Variants in CARD14 observed in about 807,000 individuals in gnomAD.
CARD14 encodes caspase recruitment domain-containing protein 14.
In CARD14, 107 loss-of-function variants were observed where a neutral mutation model predicts 111.5. The ratio of observed to expected loss-of-function variants is 0.96; its 90% CI spans 0.82 to 1.13. The LOEUF (loss-of-function observed/expected upper bound fraction) is 1.13, where lower values mean the gene tolerates loss of function less well. Among genes scored for constraint, CARD14 ranks in the 50% most tolerant of loss-of-function variants. The pLI is 0.00. For missense variants in CARD14, 1,322 were observed against 1,362.3 expected (o/e 0.97, Z 0.47); for synonymous variants, 617 against 579.6 (o/e 1.06, Z -0.93).
chr17:80,191,029 C>A, intron 10 of CARD14, 130 bp downstream of exon 10: 2 of 1,281,376 alleles, frequency 1.6e-6, no homozygotes, highest in Non-Finnish European at 2.1e-6. Context: ...TCTCTTTCCT[C>A]GGTCCACACG....
chr17:80,205,449 G>C, intron 21 of CARD14, 82 bp from the exon 22 acceptor site: 5 of 1,526,068 alleles, frequency 3.3e-6, no homozygotes, highest in Non-Finnish European at 4.4e-6. Context: ...CAGGGTTCAC[G>C]GGGACAGGGG....
chr17:80,205,256 CTCCTCCCCTTCCTCCCTCCT>C (rs749196689), intron 21 of CARD14, 51 bp downstream of exon 21: 39 of 1,488,866 alleles, frequency 2.6e-5, no homozygotes, highest in South Asian at 3.7e-5. Context: ...CCCTCCCTCC[CTCCTCCCCTTCCTCCCTCCT>C]TCCTCCCCTT....
At chr17:80,194,275 C>T (rs548642228) in intron 12 of CARD14, among the ~76,000 whole-genome samples, 100 of 152,318 alleles carry the variant, frequency 6.6e-4, no homozygotes, top group Non-Finnish European at 9.8e-4. Context: ...CACTGGTCCA[C>T]GGGTGCCCGT....
intron 4 of CARD14, among the ~76,000 whole-genome samples, chr17:80,179,918 C>T (rs566700249): frequency 2.6e-5 from 4 of 152,278 alleles, no homozygotes; most frequent in African/African-American, 7.2e-5. Context: ...GCGCCATCTG[C>T]CTCGCATTTC....
intron 23 of CARD14, 23 bp from the exon 24 acceptor site, chr17:80,208,115 C>A (rs577995991): frequency 1.3e-6 from 2 of 1,493,522 alleles, no homozygotes; most frequent in African/African-American, 1.4e-5. Context: ...TGAGCCCGCC[C>A]CCCCCAACTC....
At position 80,182,020 on chromosome 17, in the gene CARD14, G is replaced by A. The variant is rs2040191402; in HGVS notation, c.211+371G>A. ...TATACGGTTGTTAGGAGAAGCAAAT[G>A]AGTTACTGTTTATAAAACACTCACT... On this transcript the variant is annotated intron_variant, in intron 5 of 23. Transcript: ENST00000648509. The surrounding 1 kb of genome is among the most constrained non-coding windows in gnomAD (Gnocchi z 4.7). 6.6e-6 allele frequency among the ~76,000 whole-genome samples: 1 copy of A among 152,140 alleles called. No homozygotes were observed. The highest frequency in any genetic ancestry group is 1.5e-5 in the Non-Finnish European group (1 of 68,038).
chr17:80,177,674 G>C (rs917251211), intron 2 of CARD14, among the ~76,000 whole-genome samples: 1 of 152,128 alleles, frequency 6.6e-6, no homozygotes, highest in Non-Finnish European at 1.5e-5. Flanking sequence ...CAGCCTGGGA[G>C]ACGAGCAAGA....
In CARD14 at chr17:80,208,553, A is replaced by G. The variant is rs2041482350; in HGVS notation, c.*208A>G. The G allele has an allele frequency of 3.9e-6, 2 of 511,988 alleles. No homozygotes were observed. Among genetic ancestry groups the G allele is most frequent in the Non-Finnish European group, 6.9e-6 (2 of 291,416 alleles). 31.7% of individuals were successfully genotyped at this position (511,988 alleles called of 1,614,324 possible). A position where few individuals can be genotyped will look rare whatever the true frequency, so the allele number is the denominator to read the frequency against. On this transcript the variant is annotated 3_prime_UTR_variant, in exon 24 of 24. Transcript: ENST00000648509. ...TTGTAACTGCACACTTTTCTGTGGA[A>G]ACATCTTCACCCTTTACCAGGCTTG...
chr17:80,176,136 A>G (rs7219302), intron 2 of CARD14, among the ~76,000 whole-genome samples: 145,722 of 145,928 alleles, frequency 1, 72,759 homozygotes, highest in Middle Eastern at 1. Flanking sequence ...ACTTTGTTGA[A>G]ATATAACTCA....
chr17:80,195,695 C>G lies in CARD14; in HGVS notation c.1594+43C>G. The G allele has an allele frequency of 6.5e-7, 1 of 1,532,232 alleles. No homozygotes were observed. Among genetic ancestry groups the G allele is most frequent in the Non-Finnish European group, 8.9e-7 (1 of 1,117,738 alleles). 94.9% of individuals were successfully genotyped at this position (1,532,232 alleles called of 1,614,324 possible). A position where few individuals can be genotyped will look rare whatever the true frequency, so the allele number is the denominator to read the frequency against. ...TGAACCTCCACAGCAGTCCACCTCC[C>G]CTGGGCAGAGCAGGGAGCTGATGAG... On this transcript the variant is annotated intron_variant, in intron 14 of 23. Coordinates refer to ENST00000648509, the MANE Select transcript of CARD14 (RefSeq NM_001366385.1). This position sits in a 1 kb window ranked among gnomAD's most constrained non-coding sequence, Gnocchi z 4.7.
rs1314707488 is a variant in CARD14 at position 80,184,219 on chromosome 17, G to A, written c.656G>A (p.Cys219Tyr). Residue 219 changes from cysteine to tyrosine, a missense_variant, in exon 7 of 24, where the codon TGC becomes TAC. By Grantham distance (194) the Cys-to-Tyr change is radical. Coordinates refer to ENST00000648509, the MANE Select transcript of CARD14 (RefSeq NM_001366385.1). Reference sequence around the variant, plus strand: ...GAGAAGGAGCTGGCCGCCTCACGCTGCCGCAGCCTGCAGGAGGAGGTAGGG... The same window carrying A: ...GAGAAGGAGCTGGCCGCCTCACGCTACCGCAGCCTGCAGGAGGAGGTAGGG... Reference protein sequence around the residue: ...LQEKELAASRCRSLQEELYLL... With the variant: ...LQEKELAASRYRSLQEELYLL... The A allele has an allele frequency of 1.3e-6, 2 of 1,535,996 alleles. No individual in the cohort carries two copies. The highest frequency in any genetic ancestry group is 4.8e-5 in the East Asian group (2 of 41,264).
Position 80,181,503 on chromosome 17 carries a change from T to C in CARD14, c.65T>C (p.Met22Thr). Reference protein sequence around the residue: ...TALDEETLWEMMESHRHRIVR... With the variant: ...TALDEETLWETMESHRHRIVR... ...CTGGACGAGGAGACACTGTGGGAGA[T>C]GATGGAGAGCCACCGCCACAGGATC... The change falls in exon 5 of 24, where the codon ATG (methionine) becomes ACG (threonine). Residue 22 changes from methionine to threonine, a missense_variant. Met to Thr is a moderately conservative substitution (Grantham distance 81). Coordinates refer to ENST00000648509, the MANE Select transcript of CARD14 (RefSeq NM_001366385.1). The C allele has an allele frequency of 6.3e-7, 1 of 1,588,238 alleles. No homozygotes were observed. Among genetic ancestry groups the C allele is most frequent in the Non-Finnish European group, 8.6e-7 (1 of 1,166,506 alleles).
rs556156789 is a variant in CARD14, at chr17:80,190,028, G to A, written c.963+156G>A. On this transcript the variant is annotated intron_variant, in intron 9 of 23. Coordinates refer to ENST00000648509, the MANE Select transcript of CARD14 (RefSeq NM_001366385.1). ...CCTGTTCATCTGTCCCTTTGTCAGC[G>A]CCACCCTAAGCACCGACTCGCACCC... Among the ~76,000 whole-genome samples the A allele has an allele frequency of 9.2e-5, 14 of 152,092 alleles. No homozygotes were observed. In the South Asian group the frequency reaches 1.5e-3, roughly 16 times the overall value.
chr17:80,202,821 AGGTTGCCAAG>A (rs987038567), intron 18 of CARD14: 27 of 223,298 alleles, frequency 1.2e-4, no homozygotes, highest in Non-Finnish European at 2.0e-4. Flanking sequence ...ATGTCTCTAT[AGGTTGCCAAG>A]GGTCCCCTGG....
chr17:80,208,241 G>A lies in CARD14; in HGVS notation c.2911G>A (p.Ala971Thr), dbSNP rs985233044. ...DRAPCLYSSL[A>T]PDGWSDLDGL... ...GGCGCCCTGTCTATACAGCAGCCTG[G>A]CTCCTGACGGCTGGAGCGACCTGGA... Residue 971 changes from alanine to threonine, a missense_variant, in exon 24 of 24, where the codon GCT (alanine) becomes ACT (threonine). Transcript: ENST00000648509. 1 of 1,576,718 alleles carries A rather than the reference G, an allele frequency of 6.3e-7. No individual in the cohort carries two copies. Among genetic ancestry groups the A allele is most frequent in the Admixed American group, 1.9e-5 (1 of 53,274 alleles).
In CARD14 at chr17:80,195,446, C is replaced by T. The variant is rs758112012; in HGVS notation, c.1500-112C>T. The T allele has an allele frequency of 1.2e-4, 187 of 1,505,464 alleles. No homozygotes were observed. The highest frequency in any genetic ancestry group is 1.9e-4 in the Admixed American group (9 of 48,110). The allele number at this position is 1,505,464 out of a possible 1,614,324, so 93.3% of individuals were successfully genotyped here. A position where few individuals can be genotyped will look rare whatever the true frequency, so the allele number is the denominator to read the frequency against. On this transcript the variant is annotated intron_variant, in intron 13 of 23. Coordinates refer to ENST00000648509, the MANE Select transcript of CARD14 (RefSeq NM_001366385.1). This position sits in a 1 kb window ranked among gnomAD's most constrained non-coding sequence, Gnocchi z 4.7. ...CATCTGGGTATTGCAGGCAGCAGCT[C>T]CTGCCCTCGAAGCCCCAGAGCTGGC...
rs2040982927 is a variant in CARD14, at chr17:80,201,685, C to T, written c.1852-59C>T. 5.6e-6 allele frequency: 9 copies of T among 1,605,074 alleles called. No individual in the cohort carries two copies. The highest frequency in any genetic ancestry group is 7.7e-6 in the Non-Finnish European group (9 of 1,172,934). On this transcript the variant is annotated intron_variant, in intron 16 of 23. Coordinates refer to ENST00000648509, the MANE Select transcript of CARD14 (RefSeq NM_001366385.1). The surrounding 1 kb of genome is among the most constrained non-coding windows in gnomAD (Gnocchi z 5.0). ...CCTCAGTGCCCTCAGCGCCTTCTGT[C>T]TTCTGGCTGGATTCAGAGTCCCGGG...
In CARD14 at chr17:80,189,896, T is replaced by C; in HGVS notation, c.963+24T>C. 1 of 1,588,430 alleles carries C rather than the reference T, an allele frequency of 6.3e-7. No individual in the cohort carries two copies. Among genetic ancestry groups the C allele is most frequent in the East Asian group, 2.4e-5 (1 of 42,246 alleles). Reference sequence around the variant, plus strand: ...AGGTGCCGTGTGAGCCCTTCCTCCCTTGTGACTCTCCTGGGGCTTGTCTCA... The same window carrying C: ...AGGTGCCGTGTGAGCCCTTCCTCCCCTGTGACTCTCCTGGGGCTTGTCTCA... On this transcript the variant is annotated intron_variant, in intron 9 of 23. Transcript: ENST00000648509. This position sits in a 1 kb window ranked among gnomAD's most constrained non-coding sequence, Gnocchi z 4.7.
rs940850652 is a variant in CARD14 at position 80,188,505 on chromosome 17, G to A, written c.804G>A (p.Lys268=). ...GGGATGAGGAGCTGAACCGCCTGAAGGAGGAGAATGAGAAACTGCGCTCGC... is the reference window on the plus strand; with the variant it reads ...GGGATGAGGAGCTGAACCGCCTGAAAGAGGAGAATGAGAAACTGCGCTCGC... The part of the protein sequence containing the change: ...ESGDEELNRL[K]EENEKLRSLT... The change falls in exon 8 of 24, where the codon AAG becomes AAA. Residue 268 remains lysine (K), a synonymous_variant. Transcript: ENST00000648509. The surrounding 1 kb of genome is among the most constrained non-coding windows in gnomAD (Gnocchi z 4.5). 1 of 1,560,030 alleles carries A rather than the reference G, an allele frequency of 6.4e-7. No individual in the cohort carries two copies. Among genetic ancestry groups the A allele is most frequent in the Non-Finnish European group, 8.7e-7 (1 of 1,153,210 alleles).
Sources: allele counts gnomAD v4.1 joint callset (sites outside exome capture counted in the v4.1 genomes callset), GRCh38; gene constraint gnomAD v4.1.1; non-coding constraint Gnocchi (gnomAD v3.1); transcripts MANE v1.5; gene names NCBI Gene and HGNC (gene_info 2026-07-23, HGNC 2026-07-21).